RIMS2: variants seen among roughly 807,000 people sequenced by gnomAD.
RIMS2 encodes regulating synaptic membrane exocytosis 2, also known as regulating synaptic membrane exocytosis protein 2.
A neutral mutation model predicts 174.4 loss-of-function variants in RIMS2; 59 were observed. The observed-to-expected ratio is 0.34, with a 90% CI of 0.27 to 0.42. The LOEUF (loss-of-function observed/expected upper bound fraction) is 0.42, where lower values mean the gene tolerates loss of function less well. Ranked by LOEUF, RIMS2 falls within the 10% of genes least tolerant of loss-of-function variation. RIMS2 has a pLI of 1.00. For synonymous variants in RIMS2, 606 were observed against 572.5 expected (o/e 1.06, Z -0.84); for missense variants, 1,620 against 1,666.3 (o/e 0.97, Z 0.48).
intron 2 of RIMS2, among the ~76,000 whole-genome samples, chr8:103,752,742 A>G (rs2097910838): frequency 1.3e-5 from 2 of 151,904 alleles, no homozygotes; most frequent in African/African-American, 2.4e-5. Context: ...TTTGTCTCTT[A>G]TTGGTGTATA....
intron 19 of RIMS2, among the ~76,000 whole-genome samples, chr8:104,182,576 A>G (rs2098946172): frequency 6.6e-6 from 1 of 151,692 alleles, no homozygotes; most frequent in Non-Finnish European, 1.5e-5. Flanking sequence ...TCAACTACTA[A>G]TCTACTTTCT....
intron 17 of RIMS2, among the ~76,000 whole-genome samples, chr8:103,992,274 ATTTTTTT>A (rs1186537194): frequency 2.9e-3 from 313 of 107,072 alleles, no homozygotes; most frequent in African/African-American, 0.01. Flanking sequence ...ATGTCCAGCT[ATTTTTTT>A]TTTTTTTTTT....
intron 19 of RIMS2, among the ~76,000 whole-genome samples, chr8:104,124,021 A>T (rs182487896): frequency 9.1e-4 from 139 of 152,316 alleles, no homozygotes; most frequent in African/African-American, 3.2e-3. Flanking sequence ...CAATTACACC[A>T]ACTGCTATAC....
At chr8:103,750,823 G>C (rs2097879375) in intron 2 of RIMS2, among the ~76,000 whole-genome samples, 2 of 152,124 alleles carry the variant, frequency 1.3e-5, no homozygotes, top group Admixed American at 6.5e-5. Context: ...AAGTGGAACT[G>C]TGAGTCAATT....
At chr8:104,098,611 C>G (rs1270465714) in intron 19 of RIMS2, among the ~76,000 whole-genome samples, 2 of 152,016 alleles carry the variant, frequency 1.3e-5, no homozygotes, top group African/African-American at 2.4e-5. Context: ...GAGAATTGCT[C>G]TTTTTGAGAT....
chr8:103,595,106 TA>T (rs1396888030), intron 1 of RIMS2, among the ~76,000 whole-genome samples: 3 of 151,872 alleles, frequency 2.0e-5, no homozygotes, highest in African/African-American at 7.2e-5. Flanking sequence ...GGTAAAATTA[TA>T]AAAGTCTGAT....
chr8:103,705,633 C>T (rs946702031), intron 2 of RIMS2, among the ~76,000 whole-genome samples: 3 of 151,982 alleles, frequency 2.0e-5, no homozygotes, highest in African/African-American at 7.2e-5. Flanking sequence ...GGTTCTATGA[C>T]ATTGGTTGCA....
At chr8:104,181,467 C>T (rs142436292) in intron 19 of RIMS2, among the ~76,000 whole-genome samples, 226 of 151,644 alleles carry the variant, frequency 1.5e-3, no homozygotes, top group African/African-American at 5.0e-3. Flanking sequence ...TAATCTGAGC[C>T]GTCAACCCTT....
chr8:103,745,821 G>A (rs1346174359), intron 2 of RIMS2, among the ~76,000 whole-genome samples: 1 of 152,126 alleles, frequency 6.6e-6, no homozygotes, highest in Admixed American at 6.5e-5. Context: ...TTGTTGGGTT[G>A]TAAGAGTTCT....
intron 19 of RIMS2, among the ~76,000 whole-genome samples, chr8:104,025,328 A>C (rs72683156): frequency 0.13 from 19,455 of 152,018 alleles, 1,700 homozygotes; most frequent in Non-Finnish European, 0.19. Flanking sequence ...AAAAACAAAA[A>C]AATTTAAAAA....
chr8:103,999,718 T>C (rs1207043755), intron 17 of RIMS2, among the ~76,000 whole-genome samples: 1 of 151,792 alleles, frequency 6.6e-6, no homozygotes, highest in East Asian at 1.9e-4. Flanking sequence ...TAGTTTGTAT[T>C]TTCTTAGTCT....
At chr8:103,911,887 C>G (rs574045560) in intron 5 of RIMS2, among the ~76,000 whole-genome samples, 166 bp from the exon 9 acceptor site, 1 of 152,202 alleles carries the variant, frequency 6.6e-6, no homozygotes, top group Non-Finnish European at 1.5e-5. Flanking sequence ...ATAGTACACC[C>G]TTATGATCAG....
chr8:103,637,597 G>C (rs2096119125), intron 1 of RIMS2, among the ~76,000 whole-genome samples: 2 of 152,070 alleles, frequency 1.3e-5, no homozygotes, highest in Admixed American at 6.5e-5. Context: ...TTTTCATTTT[G>C]AAATAATTTT....
chr8:103,913,017 G>A (rs2076001541), intron 6 of RIMS2, among the ~76,000 whole-genome samples: 1 of 138,912 alleles, frequency 7.2e-6, no homozygotes, highest in Non-Finnish European at 1.5e-5. Flanking sequence ...GTATGTCCCA[G>A]GCTGGAGTGC....
chr8:104,189,117 A>G (rs1009873803), intron 19 of RIMS2, among the ~76,000 whole-genome samples: 8 of 152,140 alleles, frequency 5.3e-5, no homozygotes, highest in Admixed American at 4.6e-4. Context: ...CTTAATAATT[A>G]TTATTTTAAG....
chr8:104,139,176 G>A (rs2098546186), intron 19 of RIMS2, among the ~76,000 whole-genome samples: 1 of 152,108 alleles, frequency 6.6e-6, no homozygotes. Flanking sequence ...TAGCTCTGTA[G>A]TATAATTTGA....
chr8:103,997,137 T>G (rs2095152718), intron 17 of RIMS2, among the ~76,000 whole-genome samples: 1 of 151,640 alleles, frequency 6.6e-6, no homozygotes, highest in South Asian at 2.1e-4. Context: ...CTAGCAGAGG[T>G]GGCAAGAATT....
intron 3 of RIMS2, among the ~76,000 whole-genome samples, chr8:103,797,219 A>G (rs2098555986): frequency 6.6e-6 from 1 of 152,068 alleles, no homozygotes; most frequent in Non-Finnish European, 1.5e-5. Context: ...TAGTTACTTG[A>G]GCCCTTCCTG....
rs535065016 is a variant in RIMS2 at position 104,202,219 on chromosome 8, T to C, written c.3335-42697T>C. 1.4e-4 allele frequency among the ~76,000 whole-genome samples: 21 copies of C among 152,342 alleles called. No homozygotes were observed. In the South Asian group the frequency reaches 3.9e-3, roughly 29 times the overall value. The stretch of plus-strand genomic sequence containing the variant: ...GAAAGCATGATACTCAGAATTAGTA[T>C]AGACATACCAATTTTTAAAAGAGCA... On this transcript the variant is annotated intron_variant, in intron 19 of 23. Coordinates refer to ENST00000504942, the Ensembl canonical transcript of RIMS2.
Sources: gnomAD v4.1 joint callset for allele counts (sites outside exome capture counted in the v4.1 genomes callset) on GRCh38, gnomAD v4.1.1 for gene constraint, MANE v1.5 for transcripts, NCBI Gene and HGNC (gene_info 2026-07-23, HGNC 2026-07-21) for gene names.